The following IL1RAPL2 variants were observed in gnomAD, a reference collection of about 807,000 sequenced individuals.
IL1RAPL2 encodes the protein X-linked interleukin-1 receptor accessory protein-like 2.
A neutral mutation model predicts 44.1 loss-of-function variants in IL1RAPL2; 3 were observed. That is an observed-to-expected ratio of 0.07 (90% confidence interval 0.03 to 0.18). The LOEUF (loss-of-function observed/expected upper bound fraction) is 0.18. Ranked by LOEUF, IL1RAPL2 falls within the 10% of genes least tolerant of loss-of-function variation. The probability of loss-of-function intolerance (pLI) is 1.00; values close to 1 mark genes in which losing one functional copy is unlikely to be tolerated. For missense variants in IL1RAPL2, 391 were observed against 496.4 expected (o/e 0.79, Z 2.02); for synonymous variants, 181 against 178.8 (o/e 1.01, Z -0.10).
At chrX:105,219,852 G>C in intron 3 of IL1RAPL2, 1 of 1,070,765 alleles carries the variant, frequency 9.3e-7, no homozygotes, top group Non-Finnish European at 1.3e-6. Context: ...GAAGGGCGGG[G>C]CAGGGCGAAG....
At chrX:105,749,876 C>G (rs917560776) in intron 9 of IL1RAPL2, among the ~76,000 whole-genome samples, 1 of 111,316 alleles carries the variant, frequency 9.0e-6, no homozygotes, top group Non-Finnish European at 1.9e-5. Context: ...GTTCTCATCC[C>G]GAAACTGCTG....
At chrX:105,732,588 G>A (rs1462940193) in intron 7 of IL1RAPL2, among the ~76,000 whole-genome samples, 1 of 111,235 alleles carries the variant, frequency 9.0e-6, no homozygotes, top group African/African-American at 3.3e-5. Flanking sequence ...CCTGTGGAAC[G>A]GTGAGCCAAT....
chrX:105,471,246 AGAGGAGCTTAG>A (rs2036163903), intron 5 of IL1RAPL2, among the ~76,000 whole-genome samples: 1 of 111,755 alleles, frequency 8.9e-6, no homozygotes, highest in African/African-American at 3.2e-5. Flanking sequence ...ATGGAGTCCC[AGAGGAGCTTAG>A]GAATCATGAC....
intron 2 of IL1RAPL2, among the ~76,000 whole-genome samples, chrX:104,684,055 C>T (rs1930937940): frequency 1.8e-5 from 2 of 111,695 alleles, no homozygotes; most frequent in Admixed American, 9.5e-5. Context: ...CAAACTCAAT[C>T]GATTGTTTAC....
chrX:105,171,338 C>A (rs539850330), intron 2 of IL1RAPL2, among the ~76,000 whole-genome samples: 14 of 110,550 alleles, frequency 1.3e-4, no homozygotes, highest in African/African-American at 4.0e-4. Context: ...TGCAGAAGAG[C>A]CATGTGTCAC....
chrX:105,447,434 T>C (rs2035974317), intron 5 of IL1RAPL2, among the ~76,000 whole-genome samples: 1 of 70,540 alleles, frequency 1.4e-5, no homozygotes, highest in South Asian at 9.0e-4. Flanking sequence ...TATATATAAA[T>C]ATAAGTATAT....
intron 2 of IL1RAPL2, among the ~76,000 whole-genome samples, chrX:104,950,848 C>T (rs1219229707): frequency 9.0e-6 from 1 of 111,190 alleles, no homozygotes; most frequent in Non-Finnish European, 1.9e-5. Flanking sequence ...GCTGGGACTA[C>T]AGGCGCCCGC....
intron 2 of IL1RAPL2, among the ~76,000 whole-genome samples, chrX:105,174,402 A>G (rs1332766110): frequency 9.0e-6 from 1 of 111,171 alleles, no homozygotes; most frequent in African/African-American, 3.3e-5. Context: ...GGCTGCATAA[A>G]CAGACATAAA....
intron 2 of IL1RAPL2, among the ~76,000 whole-genome samples, chrX:104,734,407 A>G (rs1448405765): frequency 8.9e-6 from 1 of 112,840 alleles, no homozygotes; most frequent in Admixed American, 9.3e-5. Flanking sequence ...ATTTGCATCA[A>G]CAGATGAATG....
At chrX:105,318,129 C>G (rs1033070000) in intron 5 of IL1RAPL2, among the ~76,000 whole-genome samples, 3 of 110,571 alleles carry the variant, frequency 2.7e-5, no homozygotes, top group Non-Finnish European at 5.7e-5. Flanking sequence ...CCCGCCACCA[C>G]GCCTGGCTAA....
chrX:105,123,257 T>G (rs1042950169), intron 2 of IL1RAPL2, among the ~76,000 whole-genome samples: 20 of 109,763 alleles, frequency 1.8e-4, no homozygotes, highest in Non-Finnish European at 3.4e-4. Flanking sequence ...GGAGTAGGGG[T>G]GGAGGTAGGG....
At chrX:104,760,584 T>G (rs2147589315) in intron 2 of IL1RAPL2, among the ~76,000 whole-genome samples, 1 of 112,413 alleles carries the variant, frequency 8.9e-6, no homozygotes, top group African/African-American at 3.2e-5. Context: ...ACGTCTTCTT[T>G]TGAGAAATGT....
At chrX:105,740,224 G>GT (rs34194448) in intron 7 of IL1RAPL2, among the ~76,000 whole-genome samples, 1 of 111,413 alleles carries the variant, frequency 9.0e-6, no homozygotes, top group African/African-American at 3.3e-5. Flanking sequence ...CCAGGAGCTG[G>GT]TTTTTTTGAA....
chrX:104,914,258 A>C (rs1266542520), intron 2 of IL1RAPL2, among the ~76,000 whole-genome samples: 1 of 111,952 alleles, frequency 8.9e-6, no homozygotes, highest in African/African-American at 3.2e-5. Context: ...ATTGTGGAGT[A>C]ATTACTTAGG....
chrX:105,325,565 A>ATATATATATATATG (rs2034931352), intron 5 of IL1RAPL2, among the ~76,000 whole-genome samples: 1 of 99,742 alleles, frequency 1.0e-5, no homozygotes, highest in African/African-American at 3.8e-5. Flanking sequence ...ATATATATAT[A>ATATATATATATATG]TATATATATA....
At chrX:104,711,133 C>A (rs780878577) in intron 2 of IL1RAPL2, among the ~76,000 whole-genome samples, 11 of 111,267 alleles carry the variant, frequency 9.9e-5, no homozygotes, top group Non-Finnish European at 2.1e-4. Flanking sequence ...CTTTGTGTTA[C>A]AATTGCCTAC....
rs201971989 is a variant in IL1RAPL2 at position 105,542,679 on chromosome X, A to AT, written c.772+58298dup. Among the ~76,000 whole-genome samples, 444 of 94,877 alleles carry AT rather than the reference A, an allele frequency of 4.7e-3. 5 individuals carry two copies. Among genetic ancestry groups the AT allele is most frequent in the South Asian group, 0.017 (37 of 2,208 alleles). The allele number at this position is 94,877 out of a possible 115,157, so 82.4% of individuals were successfully genotyped here. The stretch of plus-strand genomic sequence containing the variant: ...ATAAAATAGATTCTCTTTTTTTTTT[A>AT]TTTTTTATATTTTTTATTTATTTAT... On this transcript the variant is annotated intron_variant, in intron 6 of 10. Coordinates refer to ENST00000372582, the MANE Select transcript of IL1RAPL2 (RefSeq NM_017416.2).
intron 2 of IL1RAPL2, among the ~76,000 whole-genome samples, chrX:104,882,451 C>T (rs1162341405): frequency 8.9e-6 from 1 of 112,051 alleles, no homozygotes; most frequent in African/African-American, 3.2e-5. Flanking sequence ...TTTCAACATC[C>T]ATGGTAATGA....
intron 1 of IL1RAPL2, chrX:104,647,255 T>C (rs1223954748): frequency 5.2e-6 from 2 of 381,715 alleles, no homozygotes; most frequent in African/African-American, 5.1e-5. Flanking sequence ...TGAGAGCTGG[T>C]ATGTGATGTC....
Sources: gnomAD v4.1 joint callset for allele counts (sites outside exome capture counted in the v4.1 genomes callset) on GRCh38, gnomAD v4.1.1 for gene constraint, MANE v1.5 for transcripts, NCBI Gene and HGNC (gene_info 2026-07-23, HGNC 2026-07-21) for gene names.